Variants in NCKAP5 observed in about 807,000 individuals in gnomAD.
NCKAP5 encodes NCK associated protein 5.
A neutral mutation model predicts 167.0 loss-of-function variants in NCKAP5; 92 were observed. That is an observed-to-expected ratio of 0.55 (90% confidence interval 0.47 to 0.66). NCKAP5 has a LOEUF of 0.66. Ranked by LOEUF, NCKAP5 falls within the 30% of genes least tolerant of loss-of-function variation. The pLI is 0.00. For missense variants in NCKAP5, 2,378 were observed against 2,315.0 expected (o/e 1.03, Z -0.56); for synonymous variants, 891 against 877.4 (o/e 1.02, Z -0.27).
intron 6 of NCKAP5, among the ~76,000 whole-genome samples, chr2:133,032,908 T>A (rs907422056): frequency 1.3e-5 from 2 of 152,124 alleles, no homozygotes; most frequent in Non-Finnish European, 2.9e-5. Flanking sequence ...GGGGAAGTGC[T>A]ACACGTTTTT....
At chr2:133,567,393 TC>T (rs1158597749) in intron 1 of NCKAP5, among the ~76,000 whole-genome samples, 2 of 151,798 alleles carry the variant, frequency 1.3e-5, no homozygotes, top group Non-Finnish European at 2.9e-5. Flanking sequence ...AGCTCACTCT[TC>T]CTATTTAAAT....
chr2:132,977,278 T>C (rs6755024), intron 7 of NCKAP5, among the ~76,000 whole-genome samples: 82,299 of 152,082 alleles, frequency 0.54, 22,323 homozygotes, highest in African/African-American at 0.58. Flanking sequence ...TTAACTATTC[T>C]TAAGTACTTT....
At chr2:132,938,758 T>C (rs983886896) in intron 8 of NCKAP5, among the ~76,000 whole-genome samples, 6 of 151,998 alleles carry the variant, frequency 3.9e-5, no homozygotes, top group Admixed American at 3.9e-4. Context: ...CAGAGAATGT[T>C]AGAGAAAGAA....
At chr2:133,016,491 A>G (rs1303119290) in intron 6 of NCKAP5, among the ~76,000 whole-genome samples, 1 of 152,214 alleles carries the variant, frequency 6.6e-6, no homozygotes, top group Non-Finnish European at 1.5e-5. Context: ...TAGCCTTCCC[A>G]AGAGATTTGG....
chr2:132,843,436 T>A (rs1382411542), intron 11 of NCKAP5, among the ~76,000 whole-genome samples: 3 of 152,118 alleles, frequency 2.0e-5, no homozygotes, highest in African/African-American at 7.2e-5. Flanking sequence ...ATTTTTTTTA[T>A]TACCCAATGT....
At chr2:133,231,764 C>T (rs1420450449) in intron 4 of NCKAP5, among the ~76,000 whole-genome samples, 1 of 152,052 alleles carries the variant, frequency 6.6e-6, no homozygotes, top group Non-Finnish European at 1.5e-5. Flanking sequence ...TTATTCTGCA[C>T]ACTTACCACT....
At position 132,796,652 on chromosome 2, in the gene NCKAP5, C is replaced by T. The variant is rs1260673142; in HGVS notation, c.885G>A (p.Gln295=). The part of the protein sequence containing the change: ...SEVERNRSLT[Q]SRTDAEVHEH... ...CGTGCACCTCAGCATCAGTTCGTGA[C>T]TGTGTCAGACTTCGGTTTCTTTCCA... Residue 295 remains glutamine (Q), a synonymous_variant, in exon 12 of 20, where the codon CAG becomes CAA. Transcript: ENST00000409261. 6.2e-7 allele frequency: 1 copy of T among 1,613,140 alleles called. No individual in the cohort carries two copies. Among genetic ancestry groups the T allele is most frequent in the African/African-American group, 1.3e-5 (1 of 74,912 alleles).
chr2:132,874,663 T>A (rs1691126002), intron 9 of NCKAP5, among the ~76,000 whole-genome samples: 1 of 152,134 alleles, frequency 6.6e-6, no homozygotes, highest in African/African-American at 2.4e-5. Flanking sequence ...AACTCCACCG[T>A]CGTCACTGAC....
At chr2:132,929,287 C>T (rs1447514120) in intron 8 of NCKAP5, among the ~76,000 whole-genome samples, 1 of 150,534 alleles carries the variant, frequency 6.6e-6, no homozygotes, top group Non-Finnish European at 1.5e-5. Flanking sequence ...AAGACAGAGG[C>T]AATGAAAAAA....
chr2:132,785,814 G>T (rs1290200315), intron 13 of NCKAP5, 96 bp from the exon 14 acceptor site: 2 of 973,290 alleles, frequency 2.1e-6, no homozygotes, highest in African/African-American at 3.4e-5. Context: ...TTGTGCTAGT[G>T]GTTGGTAACT....
At chr2:132,818,565 G>A (rs990963371) in intron 11 of NCKAP5, among the ~76,000 whole-genome samples, 1 of 152,166 alleles carries the variant, frequency 6.6e-6, no homozygotes, top group African/African-American at 2.4e-5. Context: ...GCGTGCGCCT[G>A]TAGTCCCAGC....
At chr2:133,488,044 A>G (rs1490684511) in intron 3 of NCKAP5, among the ~76,000 whole-genome samples, 1 of 152,232 alleles carries the variant, frequency 6.6e-6, no homozygotes, top group African/African-American at 2.4e-5. Context: ...TTTGGTATAT[A>G]CCTTAATCTC....
At position 133,123,721 on chromosome 2, in the gene NCKAP5, AGAG is replaced by A. The variant is rs1317185462; in HGVS notation, c.341+6254_341+6256del. On this transcript the variant is annotated intron_variant, in intron 6 of 19. Coordinates refer to ENST00000409261, the MANE Select transcript of NCKAP5 (RefSeq NM_207363.3). ...AGTCAGACATGGGAACAAGTGCAGA[AGAG>A]GAGAAGAGCTCTGTGCTGATGCTTG... 9.8e-5 allele frequency: 46 copies of A among 469,158 alleles called. 1 individual carries two copies. Among genetic ancestry groups the A allele is most frequent in the Non-Finnish European group, 1.9e-4 (42 of 225,860 alleles). The allele number at this position is 469,158 out of a possible 1,614,324, so 29.1% of individuals were successfully genotyped here.
At chr2:132,766,278 CAAAAAAAAAAAAAAAA>C (rs70973405) in intron 16 of NCKAP5, among the ~76,000 whole-genome samples, 1 of 38,408 alleles carries the variant, frequency 2.6e-5, no homozygotes, top group Non-Finnish European at 4.9e-5. Context: ...GATTCTGTCT[CAAAAAAAAAAAAAAAA>C]AAAAAAAAAA....
chr2:133,446,356 A>T (rs1428587847), intron 3 of NCKAP5, among the ~76,000 whole-genome samples: 2 of 152,224 alleles, frequency 1.3e-5, no homozygotes, highest in Non-Finnish European at 2.9e-5. Flanking sequence ...AAGATAAAGG[A>T]AAATAAAAAC....
In NCKAP5 at chr2:133,013,015, C is replaced by T. The variant is rs562562169; in HGVS notation, c.342-18776G>A. Among the ~76,000 whole-genome samples the T allele has an allele frequency of 2.6e-5, 4 of 152,314 alleles. No homozygotes were observed. In the South Asian group the frequency reaches 8.3e-4, roughly 32 times the overall value. On this transcript the variant is annotated intron_variant, in intron 6 of 19. Transcript: ENST00000409261. ...GTCTGCCAGCCCTGGGCAGCATTCT[C>T]ACCCCTTATTATGCTTTCCCTGGTG...
Position 133,027,675 on chromosome 2 carries a change from C to T in NCKAP5, c.342-33436G>A, listed in dbSNP as rs927831411. Among the ~76,000 whole-genome samples the T allele has an allele frequency of 2.0e-5, 3 of 152,294 alleles. No homozygotes were observed. The East Asian group carries it at 5.8e-4, about 29-fold the overall frequency. ...CTGTTAGGTTCCTTCCAGTTTGAAA[C>T]TTCTGTGATTCCAAGAAGAAACATA... is the stretch of plus-strand genomic sequence containing the variant. On this transcript the variant is annotated intron_variant, in intron 6 of 19. Coordinates refer to ENST00000409261, the MANE Select transcript of NCKAP5 (RefSeq NM_207363.3).
At chr2:133,064,969 G>A (rs1358920493) in intron 6 of NCKAP5, among the ~76,000 whole-genome samples, 1 of 152,218 alleles carries the variant, frequency 6.6e-6, no homozygotes, top group Non-Finnish European at 1.5e-5. Context: ...TAAAATCTCA[G>A]TGTTCTAAGC....
intron 8 of NCKAP5, among the ~76,000 whole-genome samples, chr2:132,908,175 T>C (rs1185928779): frequency 6.6e-6 from 1 of 152,178 alleles, no homozygotes; most frequent in Non-Finnish European, 1.5e-5. Context: ...TATATCTCTA[T>C]GGGGTTACAC....
Sources: gnomAD v4.1 joint callset for allele counts (sites outside exome capture counted in the v4.1 genomes callset) on GRCh38, gnomAD v4.1.1 for gene constraint, MANE v1.5 for transcripts, NCBI Gene and HGNC (gene_info 2026-07-23, HGNC 2026-07-21) for gene names.